TRAPPC9: variants seen among roughly 807,000 people sequenced by gnomAD.
TRAPPC9 encodes IKK2 binding protein.
A neutral mutation model predicts 124.0 loss-of-function variants in TRAPPC9; 83 were observed. That is an observed-to-expected ratio of 0.67 (90% CI 0.56 to 0.80). TRAPPC9 has a LOEUF of 0.80. Ranked by LOEUF, TRAPPC9 falls within the 30% of genes least tolerant of loss-of-function variation. The pLI, the probability that TRAPPC9 is intolerant of heterozygous loss-of-function variation, is 0.00. For missense variants in TRAPPC9, 1,302 were observed against 1,508.3 expected, an observed-to-expected ratio of 0.86 and a Z score of 2.27; for synonymous variants, 638 against 617.5, an observed-to-expected ratio of 1.03 and a Z score of -0.49.
chr8:140,302,427 T>A (rs1051844782), intron 10 of TRAPPC9, among the ~76,000 whole-genome samples: 1 of 152,204 alleles, frequency 6.6e-6, no homozygotes, highest in African/African-American at 2.4e-5. Context: ...CAGGACCTTA[T>A]CTGTCTGTAG....
Position 140,408,684 on chromosome 8 carries a change from G to A in TRAPPC9, c.887-2986C>T, listed in dbSNP as rs375148348. ...TTGCAGAGGAATGGCAGGAAGACAA[G>A]GCATCCATAAGCCACAGGGTGGGAT... On this transcript the variant is annotated intron_variant, in intron 5 of 22. Coordinates refer to ENST00000438773, the MANE Select transcript of TRAPPC9 (RefSeq NM_001160372.4). 1.5e-3 allele frequency among the ~76,000 whole-genome samples: 228 copies of A among 152,176 alleles called. 6 individuals carry two copies. The South Asian group carries it at 0.045, about 30-fold the overall frequency.
At chr8:140,274,319 C>T (rs771548738) in intron 15 of TRAPPC9, among the ~76,000 whole-genome samples, 1 of 152,206 alleles carries the variant, frequency 6.6e-6, no homozygotes, top group Non-Finnish European at 1.5e-5. Flanking sequence ...CATGCCCACT[C>T]CCTGCTCTGG....
chr8:140,239,034 G>A (rs2063793830), intron 16 of TRAPPC9, among the ~76,000 whole-genome samples: 1 of 152,164 alleles, frequency 6.6e-6, no homozygotes, highest in Admixed American at 6.5e-5. Context: ...AGCTCACTGG[G>A]AAGAGGGAGC....
chr8:140,108,411 A>G (rs570763522), intron 17 of TRAPPC9, among the ~76,000 whole-genome samples: 65 of 152,322 alleles, frequency 4.3e-4, no homozygotes, highest in African/African-American at 1.5e-3. Flanking sequence ...CTAGTCACAC[A>G]GAAGCTCTGC....
At chr8:139,927,431 A>T (rs1363895663) in intron 19 of TRAPPC9, among the ~76,000 whole-genome samples, 1 of 152,132 alleles carries the variant, frequency 6.6e-6, no homozygotes, top group Non-Finnish European at 1.5e-5. Flanking sequence ...TTTTTAGTAG[A>T]GATGAGTTCT....
chr8:140,117,882 C>T (rs1202686636), intron 17 of TRAPPC9, among the ~76,000 whole-genome samples: 1 of 152,128 alleles, frequency 6.6e-6, no homozygotes, highest in Non-Finnish European at 1.5e-5. Flanking sequence ...ACATCAAATG[C>T]ACATTGTCTA....
chr8:140,039,915 T>G (rs1841157500), intron 17 of TRAPPC9: 1 of 152,250 alleles, frequency 6.6e-6, no homozygotes, highest in Non-Finnish European at 1.5e-5. Context: ...TGTTCTAGTA[T>G]GAGTCCACAA....
chr8:139,785,537 AAC>A (rs57202244), intron 21 of TRAPPC9, among the ~76,000 whole-genome samples: 6,962 of 137,994 alleles, frequency 0.05, 175 homozygotes, highest in South Asian at 0.087. Context: ...ATCTCTACTA[AAC>A]ACACACACAC....
At position 140,164,668 on chromosome 8, in the gene TRAPPC9, T is replaced by C. The variant is rs146549790; in HGVS notation, c.2556+56791A>G. ...GGCTGGACAGCTAGGCATGGTCTCC[T>C]GGGCCTCCGTGCAGCACAGGCCCAC... On this transcript the variant is annotated intron_variant, in intron 17 of 22. Coordinates refer to ENST00000438773, the MANE Select transcript of TRAPPC9 (RefSeq NM_001160372.4). 7.5e-3 allele frequency among the ~76,000 whole-genome samples: 1,139 copies of C among 152,316 alleles called. 8 individuals carry two copies. The highest frequency in any genetic ancestry group is 0.011 in the Non-Finnish European group (727 of 68,014).
At chr8:140,290,505 A>G (rs1480566497) in intron 12 of TRAPPC9, among the ~76,000 whole-genome samples, 2 of 152,116 alleles carry the variant, frequency 1.3e-5, no homozygotes, top group Non-Finnish European at 2.9e-5. Flanking sequence ...CACACCCTAC[A>G]CAAAGCACAG....
At chr8:140,415,278 G>A (rs1209182488) in intron 5 of TRAPPC9, among the ~76,000 whole-genome samples, 1 of 151,964 alleles carries the variant, frequency 6.6e-6, no homozygotes, top group Admixed American at 6.6e-5. Context: ...AACTGGCCAG[G>A]TACAGTGGCT....
rs112390389 is a variant in TRAPPC9 at position 139,991,379 on chromosome 8, A to C, written c.2700-2543T>G. Among the ~76,000 whole-genome samples the C allele has an allele frequency of 3.0e-4, 46 of 151,954 alleles. 1 individual carries two copies. The highest frequency in any genetic ancestry group is 7.4e-5 in the Non-Finnish European group (5 of 67,974). ...TGGGGGCGTCTGATCTAGTGTTTCT[A>C]TTCTTTCTAATTGTTGACATGATGA... is the stretch of plus-strand genomic sequence containing the variant. On this transcript the variant is annotated intron_variant, in intron 18 of 22. Coordinates refer to ENST00000438773, the MANE Select transcript of TRAPPC9 (RefSeq NM_001160372.4).
At chr8:140,161,290 A>G (rs1233856232) in intron 17 of TRAPPC9, among the ~76,000 whole-genome samples, 1 of 152,192 alleles carries the variant, frequency 6.6e-6, no homozygotes, top group Non-Finnish European at 1.5e-5. Flanking sequence ...CAAAGAGATG[A>G]AGTCGCTGGC....
intron 17 of TRAPPC9, among the ~76,000 whole-genome samples, chr8:140,136,928 T>G (rs1374126916): frequency 6.6e-6 from 1 of 152,146 alleles, no homozygotes; most frequent in African/African-American, 2.4e-5. Context: ...AGGAAGCATG[T>G]GCTTTGCAGA....
intron 19 of TRAPPC9, among the ~76,000 whole-genome samples, chr8:139,950,131 G>A (rs1281714308): frequency 6.6e-6 from 1 of 152,188 alleles, no homozygotes; most frequent in East Asian, 1.9e-4. Context: ...TCAGGTGACC[G>A]TGGGGGAAGC....
chr8:140,207,735 C>T (rs1012265657), intron 17 of TRAPPC9, among the ~76,000 whole-genome samples: 2 of 152,174 alleles, frequency 1.3e-5, no homozygotes, highest in East Asian at 1.9e-4. Context: ...TTTGCTGCCA[C>T]GAATCATAAC....
rs2063863008 is a variant in TRAPPC9, at chr8:140,241,849, T to A, written c.2431+10928A>T. Among the ~76,000 whole-genome samples the A allele has an allele frequency of 6.6e-6, 1 of 152,150 alleles. No homozygotes were observed. The highest frequency in any genetic ancestry group is 2.1e-4 in the South Asian group (1 of 4,824). The stretch of plus-strand genomic sequence containing the variant: ...TCGCAGCGTGCCTTCCGTCCCTCAC[T>A]TGCTTAACGTATGCCAAGAAGCTGC... On this transcript the variant is annotated intron_variant, in intron 16 of 22. Coordinates refer to ENST00000438773, the MANE Select transcript of TRAPPC9 (RefSeq NM_001160372.4). The surrounding 1 kb of genome is among the most constrained non-coding windows in gnomAD (Gnocchi z 5.0).
chr8:139,824,075 A>G (rs1407975480), intron 21 of TRAPPC9, among the ~76,000 whole-genome samples: 2 of 152,250 alleles, frequency 1.3e-5, no homozygotes, highest in Non-Finnish European at 2.9e-5. Context: ...ATTTTCACTC[A>G]GAGCCAAAAA....
At chr8:140,108,378 T>C (rs2060705032) in intron 17 of TRAPPC9, among the ~76,000 whole-genome samples, 1 of 152,222 alleles carries the variant, frequency 6.6e-6, no homozygotes, top group African/African-American at 2.4e-5. Flanking sequence ...TCTGATGAGC[T>C]AGTTTGGTCT....
Sources: gnomAD v4.1 joint callset for allele counts (sites outside exome capture counted in the v4.1 genomes callset) on GRCh38, gnomAD v4.1.1 for gene constraint, Gnocchi (gnomAD v3.1) non-coding constraint, MANE v1.5 for transcripts, NCBI Gene and HGNC (gene_info 2026-07-23, HGNC 2026-07-21) for gene names.